The following MAP2K4 variants were observed in gnomAD, a reference collection of about 807,000 sequenced individuals.
MAP2K4 encodes dual specificity mitogen-activated protein kinase kinase 4.
A neutral mutation model predicts 48.5 loss-of-function variants in MAP2K4; 4 were observed. The ratio of observed to expected loss-of-function variants is 0.08; its 90% CI spans 0.04 to 0.19. The LOEUF (loss-of-function observed/expected upper bound fraction) is 0.19. Ranked by LOEUF, MAP2K4 falls within the 10% of genes least tolerant of loss-of-function variation. The probability of loss-of-function intolerance (pLI) is 1.00; values close to 1 mark genes in which losing one functional copy is unlikely to be tolerated. For missense variants in MAP2K4, 258 were observed against 493.3 expected (o/e 0.52, Z 4.52); for synonymous variants, 166 against 173.1 (o/e 0.96, Z 0.32).
At chr17:12,130,721 T>C (rs1047458959) in intron 9 of MAP2K4, among the ~76,000 whole-genome samples, 1 of 152,222 alleles carries the variant, frequency 6.6e-6, no homozygotes, top group East Asian at 1.9e-4. Context: ...AGTGTACTTA[T>C]GTTCATAATA....
intron 2 of MAP2K4, among the ~76,000 whole-genome samples, chr17:12,058,031 C>T (rs1970335284): frequency 6.6e-6 from 1 of 151,580 alleles, no homozygotes; most frequent in Non-Finnish European, 1.5e-5. Context: ...ACCTGGTGGG[C>T]TTGGCTTTAC....
intron 1 of MAP2K4, among the ~76,000 whole-genome samples, chr17:12,038,850 C>G (rs1217610408): frequency 6.6e-6 from 1 of 152,126 alleles, no homozygotes; most frequent in Non-Finnish European, 1.5e-5. Context: ...TCACAGTTTA[C>G]ACGTTGTAAA....
At chr17:12,103,402 C>T (rs999196809) in intron 4 of MAP2K4, among the ~76,000 whole-genome samples, 7 of 151,666 alleles carry the variant, frequency 4.6e-5, no homozygotes, top group Non-Finnish European at 7.4e-5. Flanking sequence ...TGACGGGGAG[C>T]GGTGTTCGTT....
intron 3 of MAP2K4, among the ~76,000 whole-genome samples, chr17:12,087,389 A>C (rs1971404769): frequency 6.6e-6 from 1 of 152,052 alleles, no homozygotes; most frequent in Non-Finnish European, 1.5e-5. Flanking sequence ...TGTTTCTTTA[A>C]ATGTGGATGA....
At chr17:12,134,334 A>G (rs979836951) in intron 9 of MAP2K4, among the ~76,000 whole-genome samples, 2 of 152,246 alleles carry the variant, frequency 1.3e-5, no homozygotes, top group African/African-American at 4.8e-5. Flanking sequence ...AAAATGTCAC[A>G]GAAAAAAAAA....
chr17:12,088,441 A>G (rs1047659755), intron 3 of MAP2K4, among the ~76,000 whole-genome samples: 3 of 96,226 alleles, frequency 3.1e-5, no homozygotes, highest in African/African-American at 1.1e-4. Context: ...TATATTACAT[A>G]TAATATATAT....
At chr17:12,026,420 C>T (rs777076969) in intron 1 of MAP2K4, among the ~76,000 whole-genome samples, 1 of 152,034 alleles carries the variant, frequency 6.6e-6, no homozygotes, top group African/African-American at 2.4e-5. Context: ...GCAGATGGCT[C>T]CAATGATACA....
At chr17:12,133,395 A>G (rs2151593725) in intron 9 of MAP2K4, among the ~76,000 whole-genome samples, 1 of 152,190 alleles carries the variant, frequency 6.6e-6, no homozygotes, top group Non-Finnish European at 1.5e-5. Context: ...AAGTTTAATT[A>G]CTTCTGATTT....
In MAP2K4 at chr17:12,031,285, T is replaced by A. The variant is rs1969429750; in HGVS notation, c.115+10284T>A. Among the ~76,000 whole-genome samples the A allele has an allele frequency of 2.0e-5, 3 of 152,368 alleles. 1 individual carries two copies. The South Asian group carries it at 6.2e-4, about 32-fold the overall frequency. ...GTTTTTGTACTTTATAGATGGCATC[T>A]TCTTAGAATCCTAAGAATTTTGATA... On this transcript the variant is annotated intron_variant, in intron 1 of 10. Transcript: ENST00000353533.
intron 1 of MAP2K4, among the ~76,000 whole-genome samples, chr17:12,026,196 T>C (rs1355764590): frequency 1.3e-5 from 2 of 152,214 alleles, no homozygotes; most frequent in African/African-American, 4.8e-5. Context: ...CTTACTAGCC[T>C]GAATGTGTGC....
At chr17:12,107,958 G>T in intron 5 of MAP2K4, 49 bp downstream of exon 5, 1 of 1,432,720 alleles carries the variant, frequency 7.0e-7, no homozygotes, top group Non-Finnish European at 9.3e-7. Flanking sequence ...GTTATATAGA[G>T]ATGCTGCTGG....
intron 8 of MAP2K4, among the ~76,000 whole-genome samples, chr17:12,125,719 C>T (rs564892991): frequency 6.6e-6 from 1 of 152,298 alleles, no homozygotes; most frequent in South Asian, 2.1e-4. Context: ...ACATAGGCTT[C>T]TCCCATCTCA....
intron 1 of MAP2K4, chr17:12,032,276 A>G: frequency 7.0e-7 from 1 of 1,420,976 alleles, no homozygotes; most frequent in Non-Finnish European, 9.3e-7. Context: ...GCTTTCAGAT[A>G]AACTTCTGTG....
intron 9 of MAP2K4, among the ~76,000 whole-genome samples, chr17:12,132,727 A>G (rs1206994961): frequency 6.6e-6 from 1 of 151,926 alleles, no homozygotes; most frequent in Non-Finnish European, 1.5e-5. Context: ...GAATTTACAG[A>G]CAACAGTATA....
intron 2 of MAP2K4, among the ~76,000 whole-genome samples, chr17:12,070,623 T>G (rs895660095): frequency 1.3e-5 from 2 of 152,170 alleles, no homozygotes; most frequent in African/African-American, 4.8e-5. Flanking sequence ...GCAATTTAGG[T>G]TGCTAGATAC....
At chr17:12,112,866 G>A (rs1429045594) in intron 6 of MAP2K4, among the ~76,000 whole-genome samples, 3 of 152,086 alleles carry the variant, frequency 2.0e-5, no homozygotes, top group African/African-American at 4.8e-5. Flanking sequence ...CAGTTTTTAA[G>A]CACTGGCATT....
chr17:12,048,058 G>C (rs1970022460), intron 1 of MAP2K4, among the ~76,000 whole-genome samples: 1 of 151,882 alleles, frequency 6.6e-6, no homozygotes, highest in African/African-American at 2.4e-5. Context: ...TTTTGAGACA[G>C]GATCTCACTA....
intron 3 of MAP2K4, among the ~76,000 whole-genome samples, chr17:12,088,962 A>G (rs1597455512): frequency 7.0e-6 from 1 of 143,634 alleles, no homozygotes; most frequent in Admixed American, 7.3e-5. Flanking sequence ...CCCAGGCTGG[A>G]GTGCAGTGGC....
chr17:12,132,751 A>C (rs911436749), intron 9 of MAP2K4, among the ~76,000 whole-genome samples: 4 of 144,392 alleles, frequency 2.8e-5, no homozygotes, highest in African/African-American at 9.7e-5. Context: ...TTGAAAAAGG[A>C]AAGTTTATTA....
Sources: allele counts gnomAD v4.1 joint callset (sites outside exome capture counted in the v4.1 genomes callset), GRCh38; gene constraint gnomAD v4.1.1; transcripts MANE v1.5; gene names NCBI Gene and HGNC (gene_info 2026-07-23, HGNC 2026-07-21).